REEP3: variants seen among roughly 807,000 people sequenced by gnomAD.
REEP3 encodes receptor accessory protein 3.
In REEP3, 20 loss-of-function variants were observed where a neutral mutation model predicts 41.3. The observed-to-expected ratio is 0.48, with a 90% CI of 0.34 to 0.70. The LOEUF (loss-of-function observed/expected upper bound fraction) is 0.70, where lower values mean the gene tolerates loss of function less well. Among genes scored for constraint, REEP3 ranks in the 30% least tolerant of loss-of-function variants. The pLI is 0.01. For synonymous variants in REEP3, 104 were observed against 101.8 expected (o/e 1.02, Z -0.13); for missense variants, 271 against 308.8 (o/e 0.88, Z 0.92).
rs1956375820 is a variant in REEP3, at chr10:63,623,864, G to A, written c.*2995G>A. ...AATACTTGACTACACTGATTGATGG[G>A]ACAAAATGATTAAAGTATTTTCAGG... On this transcript the variant is annotated 3_prime_UTR_variant, in exon 8 of 8. Transcript: ENST00000373758. 6.5e-6 allele frequency: 1 copy of A among 153,610 alleles called. No homozygotes were observed. The highest frequency in any genetic ancestry group is 2.4e-5 in the African/African-American group (1 of 41,282). The allele number at this position is 153,610 out of a possible 1,614,324, so 9.5% of individuals were successfully genotyped here. A position where few individuals can be genotyped will look rare whatever the true frequency, so the allele number is the denominator to read the frequency against.
chr10:63,599,780 A>G (rs1956156223), intron 5 of REEP3: 1 of 648,506 alleles, frequency 1.5e-6, no homozygotes, highest in Admixed American at 6.3e-5. Flanking sequence ...GCCAGTTACT[A>G]ATGTCATTTG....
intron 1 of REEP3, among the ~76,000 whole-genome samples, chr10:63,558,535 C>T (rs904882064): frequency 2.0e-5 from 3 of 152,050 alleles, no homozygotes; most frequent in South Asian, 2.1e-4. Context: ...ACCTGCAATC[C>T]CAGCACTTTG....
At position 63,620,951 on chromosome 10, in the gene REEP3, C is replaced by T. The variant is rs528523027; in HGVS notation, c.*82C>T. 4 of 839,508 alleles carry T rather than the reference C, an allele frequency of 4.8e-6. No individual in the cohort carries two copies. The highest frequency in any genetic ancestry group is 7.6e-6 in the Non-Finnish European group (4 of 529,742). The allele number at this position is 839,508 out of a possible 1,614,324, so 52.0% of individuals were successfully genotyped here. A position where few individuals can be genotyped will look rare whatever the true frequency, so the allele number is the denominator to read the frequency against. ...TCTAACATGATATATTCAGGATTTA[C>T]ACATTAAAATGATTATTTAAATTGT... On this transcript the variant is annotated 3_prime_UTR_variant, in exon 8 of 8. Coordinates refer to ENST00000373758, the MANE Select transcript of REEP3 (RefSeq NM_001001330.3).
chr10:63,593,555 C>G (rs72838781), intron 2 of REEP3, among the ~76,000 whole-genome samples: 9,219 of 152,170 alleles, frequency 0.061, 481 homozygotes, highest in African/African-American at 0.13. Flanking sequence ...AACGTAATTC[C>G]TCGCCCCCTG....
chr10:63,575,367 A>C (rs6479910), intron 2 of REEP3, among the ~76,000 whole-genome samples: 1 of 152,218 alleles, frequency 6.6e-6, no homozygotes, highest in South Asian at 2.1e-4. Context: ...ACTTTGTTGC[A>C]TGAGTCCGTT....
chr10:63,544,082 C>G (rs1955555259), intron 1 of REEP3, among the ~76,000 whole-genome samples: 1 of 152,124 alleles, frequency 6.6e-6, no homozygotes, highest in African/African-American at 2.4e-5. Context: ...TCAATTTCAT[C>G]TTTGAAATTA....
intron 3 of REEP3, among the ~76,000 whole-genome samples, chr10:63,595,304 C>T (rs1256887670): frequency 2.0e-5 from 3 of 152,240 alleles, no homozygotes; most frequent in Non-Finnish European, 2.9e-5. Context: ...CCACTCAGCA[C>T]TAGCTTCCTG....
intron 1 of REEP3, among the ~76,000 whole-genome samples, chr10:63,547,480 G>T (rs1191550295): frequency 2.6e-5 from 4 of 152,156 alleles, no homozygotes; most frequent in African/African-American, 7.2e-5. Context: ...TGGGGTGCAT[G>T]CAAGTAGCCA....
chr10:63,620,796 A>C lies in REEP3; in HGVS notation c.712-17A>C. 2 of 1,555,466 alleles carry C rather than the reference A, an allele frequency of 1.3e-6. No individual in the cohort carries two copies. Among genetic ancestry groups the C allele is most frequent in the Non-Finnish European group, 1.8e-6 (2 of 1,138,636 alleles). ...GTAATCATCTAATTCTTAATAATAA[A>C]ACATTTCTCTCTTCAGGTGCGGTAC... On this transcript the variant is annotated splice_polypyrimidine_tract_variant and intron_variant, in intron 7 of 7. Transcript: ENST00000373758.
At chr10:63,582,898 T>C (rs1378823199) in intron 2 of REEP3, among the ~76,000 whole-genome samples, 2 of 152,212 alleles carry the variant, frequency 1.3e-5, no homozygotes, top group African/African-American at 4.8e-5. Flanking sequence ...TCTCTCTGTG[T>C]GGTTGATTGC....
chr10:63,610,003 A>G (rs1956265462), intron 5 of REEP3, among the ~76,000 whole-genome samples, 184 bp from the exon 6 acceptor site: 1 of 152,186 alleles, frequency 6.6e-6, no homozygotes. Flanking sequence ...AATAAAATGA[A>G]TTCATGGATA....
intron 2 of REEP3, among the ~76,000 whole-genome samples, chr10:63,581,187 A>G (rs1441183332): frequency 5.9e-5 from 9 of 152,192 alleles, no homozygotes; most frequent in African/African-American, 1.7e-4. Context: ...TTAAAAATAT[A>G]GTGCTTTACC....
intron 2 of REEP3, among the ~76,000 whole-genome samples, chr10:63,586,620 T>C (rs1035618511): frequency 6.6e-6 from 1 of 152,130 alleles, no homozygotes; most frequent in South Asian, 2.1e-4. Flanking sequence ...TATTACCAAA[T>C]AATTAGAAAA....
chr10:63,533,844 G>A (rs1314650919), intron 1 of REEP3, among the ~76,000 whole-genome samples: 1 of 151,266 alleles, frequency 6.6e-6, no homozygotes, highest in African/African-American at 2.4e-5. Flanking sequence ...GGTAGATGGG[G>A]TTACAGGCGC....
chr10:63,537,723 C>A (rs1262980072), intron 1 of REEP3, among the ~76,000 whole-genome samples: 1 of 152,094 alleles, frequency 6.6e-6, no homozygotes, highest in African/African-American at 2.4e-5. Context: ...AGGCCAGTTT[C>A]AGTGCTGAGC....
chr10:63,523,976 T>G lies in REEP3; in HGVS notation c.32+2399T>G, dbSNP rs574402339. On this transcript the variant is annotated intron_variant, in intron 1 of 7. Coordinates refer to ENST00000373758, the MANE Select transcript of REEP3 (RefSeq NM_001001330.3). ...AGAGGGGATTAAAGCCTCTCTCCAG[T>G]TAAAGTACTTGAGCTACAGAATGTA... Among the ~76,000 whole-genome samples, 5 of 152,216 alleles carry G rather than the reference T, an allele frequency of 3.3e-5. No individual in the cohort carries two copies. The East Asian group carries it at 9.7e-4, about 29-fold the overall frequency.
chr10:63,568,326 G>A (rs1023669289), intron 2 of REEP3, among the ~76,000 whole-genome samples: 1 of 151,246 alleles, frequency 6.6e-6, no homozygotes, highest in African/African-American at 2.4e-5. Flanking sequence ...GAGTGCACTG[G>A]CGCGATCTTG....
At chr10:63,614,557 AGGGT>A (rs1312120015) in intron 6 of REEP3, among the ~76,000 whole-genome samples, 1 of 152,166 alleles carries the variant, frequency 6.6e-6, no homozygotes, top group Non-Finnish European at 1.5e-5. Context: ...GTGGTCTCTA[AGGGT>A]GGTTGGACTT....
At chr10:63,608,704 TTC>T (rs1956251634) in intron 5 of REEP3, among the ~76,000 whole-genome samples, 1 of 152,200 alleles carries the variant, frequency 6.6e-6, no homozygotes, top group Non-Finnish European at 1.5e-5. Flanking sequence ...GAATTTTTTT[TTC>T]TTTTTTTGCT....
Sources: allele counts gnomAD v4.1 joint callset (sites outside exome capture counted in the v4.1 genomes callset), GRCh38; gene constraint gnomAD v4.1.1; transcripts MANE v1.5; gene names NCBI Gene and HGNC (gene_info 2026-07-23, HGNC 2026-07-21).